TES: variants seen among roughly 807,000 people sequenced by gnomAD.
The protein encoded by TES is testin.
In TES, 41 loss-of-function variants were observed where a neutral mutation model predicts 48.2. The observed-to-expected ratio is 0.85, with a 90% CI of 0.66 to 1.10. The LOEUF (loss-of-function observed/expected upper bound fraction) is 1.10, where lower values mean the gene tolerates loss of function less well. TES is among the 50% of genes least tolerant of loss of function. The pLI is 0.00. For synonymous variants in TES, 162 were observed against 174.9 expected (o/e 0.93, Z 0.58); for missense variants, 463 against 515.1 (o/e 0.90, Z 0.98).
At chr7:116,250,565 CTT>C in intron 4 of TES, 69 bp downstream of exon 4, 1 of 1,253,118 alleles carries the variant, frequency 8.0e-7, no homozygotes, top group Non-Finnish European at 1.0e-6. Flanking sequence ...TTACTTTGAA[CTT>C]TTTTGGGGAC....
chr7:116,231,323 G>A (rs953859860), intron 1 of TES, among the ~76,000 whole-genome samples: 7 of 152,144 alleles, frequency 4.6e-5, no homozygotes, highest in South Asian at 4.1e-4. Context: ...TAAAATGATA[G>A]CTATTTTAAG....
chr7:116,238,673 C>G (rs1170524154), intron 2 of TES, among the ~76,000 whole-genome samples: 1 of 151,800 alleles, frequency 6.6e-6, no homozygotes, highest in African/African-American at 2.4e-5. Context: ...GCGATCTCGG[C>G]TCACTGCAAC....
Position 116,248,196 on chromosome 7 carries a change from A to G in TES, c.114-824A>G, listed in dbSNP as rs544453940. Among the ~76,000 whole-genome samples, 17 of 152,134 alleles carry G rather than the reference A, an allele frequency of 1.1e-4. No individual in the cohort carries two copies. In the East Asian group the frequency reaches 2.1e-3, roughly 19 times the overall value. ...GTATTCTATGGTGAATATGTTCCAC[A>G]TTTTCTTTATCCAGTCTACCATTGA... On this transcript the variant is annotated intron_variant, in intron 2 of 6. Transcript: ENST00000358204.
Position 116,249,288 on chromosome 7 carries a change from CAG to C in TES, c.366+21_366+22del, listed in dbSNP as rs1563014046. ...TCAAGCATTGGTAAATGATATGGAA[CAG>C]AGAGTTTCTTTATTGAAGTTCCTGG... is the stretch of plus-strand genomic sequence containing the variant. On this transcript the variant is annotated intron_variant, in intron 3 of 6. Coordinates refer to ENST00000358204, the MANE Select transcript of TES (RefSeq NM_015641.4). The C allele has an allele frequency of 3.7e-6, 6 of 1,613,462 alleles. No homozygotes were observed. Among genetic ancestry groups the C allele is most frequent in the Non-Finnish European group, 8.5e-7 (1 of 1,179,884 alleles).
Position 116,250,198 on chromosome 7 carries a change from AGCCAGTAGCAG to A in TES, c.407_417del (p.Pro136LeufsTer19), listed in dbSNP as rs1281931612. ...ATGCAGATGCTACCCAAGGAAAAGCAGCCAGTAGCAGGCTCAGAGGGGGCACAGTACCGGAA... is the reference window on the plus strand; with the variant it reads ...ATGCAGATGCTACCCAAGGAAAAGCAGCTCAGAGGGGGCACAGTACCGGAA... On this transcript the variant is annotated frameshift_variant, in exon 4 of 7. Transcript: ENST00000358204. LOFTEE classifies it high-confidence loss of function. The A allele has an allele frequency of 1.0e-5, 16 of 1,564,298 alleles. 1 individual carries two copies. Among genetic ancestry groups the A allele is most frequent in the Non-Finnish European group, 1.4e-5 (16 of 1,160,172 alleles).
Position 116,250,217 on chromosome 7 carries a change from G to A in TES, c.423G>A (p.Glu141=), listed in dbSNP as rs201016280. ...PKEKQPVAGS[E]GAQYRKKQLA... Reference sequence around the variant, plus strand: ...AAAAGCAGCCAGTAGCAGGCTCAGAGGGGGCACAGTACCGGAAGAAGCAGC... The same window carrying A: ...AAAAGCAGCCAGTAGCAGGCTCAGAAGGGGCACAGTACCGGAAGAAGCAGC... The change falls in exon 4 of 7, where the codon GAG becomes GAA. Residue 141 remains glutamate (E), a synonymous_variant. Transcript: ENST00000358204. The A allele has an allele frequency of 1.3e-6, 2 of 1,594,024 alleles. No homozygotes were observed. Among genetic ancestry groups the A allele is most frequent in the Non-Finnish European group, 1.7e-6 (2 of 1,171,708 alleles).
chr7:116,251,560 G>A (rs895549360), intron 4 of TES, 200 bp from the exon 5 acceptor site: 25 of 547,516 alleles, frequency 4.6e-5, no homozygotes, highest in Non-Finnish European at 7.2e-5. Flanking sequence ...GCAGGCGCCT[G>A]TAGTCCCAGC....
intron 2 of TES, among the ~76,000 whole-genome samples, chr7:116,243,586 C>T (rs752123780): frequency 2.0e-5 from 3 of 152,170 alleles, no homozygotes; most frequent in Non-Finnish European, 4.4e-5. Flanking sequence ...GATATCTTTA[C>T]CTTGTCTCAC....
At chr7:116,211,075 A>T in intron 1 of TES, 1 of 214,634 alleles carries the variant, frequency 4.7e-6, no homozygotes, top group Non-Finnish European at 9.1e-6. Flanking sequence ...AAAGGAAAGG[A>T]CGAGCTTAGG....
At chr7:116,246,678 ACTTTT>A (rs528930983) in intron 2 of TES, among the ~76,000 whole-genome samples, 10 of 152,124 alleles carry the variant, frequency 6.6e-5, no homozygotes, top group African/African-American at 1.9e-4. Flanking sequence ...AATACTAGAG[ACTTTT>A]CTTTCCTTTT....
intron 1 of TES, among the ~76,000 whole-genome samples, chr7:116,226,208 G>T (rs1799619106): frequency 6.6e-6 from 1 of 152,210 alleles, no homozygotes; most frequent in Admixed American, 6.5e-5. Context: ...TAGCACTATT[G>T]TAAATCTCAG....
intron 1 of TES, among the ~76,000 whole-genome samples, chr7:116,230,135 G>T (rs1300611007): frequency 1.3e-5 from 2 of 152,154 alleles, no homozygotes; most frequent in Non-Finnish European, 2.9e-5. Context: ...ATTTTTGTTT[G>T]TGTTTGGTGT....
chr7:116,250,655 G>C (rs1200519334), intron 4 of TES, among the ~76,000 whole-genome samples, 159 bp downstream of exon 4: 1 of 152,086 alleles, frequency 6.6e-6, no homozygotes, highest in Non-Finnish European at 1.5e-5. Flanking sequence ...TCCCACAGAG[G>C]GTCATCGTGT....
rs75880220 is a variant in TES at position 116,240,434 on chromosome 7, G to T, written c.113+5815G>T. Among the ~76,000 whole-genome samples, 1,503 of 151,664 alleles carry T rather than the reference G, an allele frequency of 9.9e-3. 27 individuals are homozygous for T. Among genetic ancestry groups the T allele is most frequent in the African/African-American group, 0.035 (1,436 of 41,310 alleles). ...TTTTGGTAGTTTTGTTCTTGCATTC[G>T]CTCTCCCAGGCTCGCTCTTTCTCTC... On this transcript the variant is annotated intron_variant, in intron 2 of 6. Coordinates refer to ENST00000358204, the MANE Select transcript of TES (RefSeq NM_015641.4).
chr7:116,228,861 C>A (rs112897901), intron 1 of TES, among the ~76,000 whole-genome samples: 1,845 of 151,464 alleles, frequency 0.012, 36 homozygotes, highest in African/African-American at 0.042. Flanking sequence ...CTAGATGAAG[C>A]CTAAAGAAGA....
At chr7:116,212,302 G>A (rs1375851648) in intron 1 of TES, among the ~76,000 whole-genome samples, 1 of 152,160 alleles carries the variant, frequency 6.6e-6, no homozygotes, top group Non-Finnish European at 1.5e-5. Flanking sequence ...ACACTATTCT[G>A]TATGATACTA....
At chr7:116,249,613 A>G (rs916516837) in intron 3 of TES, 1 of 214,864 alleles carries the variant, frequency 4.7e-6, no homozygotes, top group African/African-American at 2.3e-5. Flanking sequence ...AATTTTTGTC[A>G]TAGTTTAGAA....
chr7:116,257,477 T>C lies in TES; in HGVS notation c.1261T>C (p.Ser421Pro), dbSNP rs766084523. Residue 421 changes from serine to proline, a missense_variant, in exon 7 of 7, where the codon TCT becomes CCT. Transcript: ENST00000358204. ...TTCAGTGGAATGTAAGAAGAGGATG[T>C]CTTAGGAGGAGGGCACCCAGAAGTA... is the stretch of plus-strand genomic sequence containing the variant. ...FCSVECKKRM[S>P] The C allele has an allele frequency of 7.5e-6, 12 of 1,604,894 alleles. No homozygotes were observed. The highest frequency in any genetic ancestry group is 9.4e-6 in the Non-Finnish European group (11 of 1,174,984).
At chr7:116,230,546 G>A (rs1799684641) in intron 1 of TES, among the ~76,000 whole-genome samples, 1 of 152,180 alleles carries the variant, frequency 6.6e-6, no homozygotes, top group Non-Finnish European at 1.5e-5. Context: ...TGCTAGCAGA[G>A]CTTGAGAGGT....
Sources: allele counts gnomAD v4.1 joint callset (sites outside exome capture counted in the v4.1 genomes callset), GRCh38; gene constraint gnomAD v4.1.1; transcripts MANE v1.5; gene names NCBI Gene and HGNC (gene_info 2026-07-23, HGNC 2026-07-21).